Variants in PCDHGA1 observed in about 807,000 individuals in gnomAD.
PCDHGA1 encodes protocadherin gamma subfamily A, 1.
Under a neutral mutation model 58.0 loss-of-function variants are expected in PCDHGA1, and 32 were observed. That is an observed-to-expected ratio of 0.55 (90% CI 0.42 to 0.74). The LOEUF (loss-of-function observed/expected upper bound fraction) is 0.74, where lower values mean the gene tolerates loss of function less well. PCDHGA1 is among the 30% of genes least tolerant of loss of function. PCDHGA1 has a pLI of 0.00. For synonymous variants in PCDHGA1, 498 were observed against 501.1 expected, an observed-to-expected ratio of 0.99 and a Z score of 0.08; for missense variants, 1,205 against 1,182.3, an observed-to-expected ratio of 1.02 and a Z score of -0.28.
intron 1 of PCDHGA1, chr5:141,393,996 G>C (rs1379037065): frequency 3.1e-6 from 5 of 1,613,290 alleles, no homozygotes; most frequent in East Asian, 2.2e-5. Flanking sequence ...TTTTAAATTA[G>C]AAAAGTCAAT....
At chr5:141,384,353 C>T in intron 1 of PCDHGA1, 1 of 1,613,848 alleles carries the variant, frequency 6.2e-7, no homozygotes, top group South Asian at 1.1e-5. Context: ...GAGGATAATG[C>T]CCAGATCACT....
At chr5:141,403,616 C>G (rs2094434764) in intron 1 of PCDHGA1, 11 of 1,613,892 alleles carry the variant, frequency 6.8e-6, no homozygotes, top group Non-Finnish European at 9.3e-6. Flanking sequence ...CGAGCCGCGT[C>G]GCTCCAGCAC....
intron 1 of PCDHGA1, among the ~76,000 whole-genome samples, chr5:141,480,299 C>T: frequency 7.5e-6 from 1 of 132,466 alleles, no homozygotes; most frequent in Non-Finnish European, 1.6e-5. Flanking sequence ...CCTGTGGTAC[C>T]AGCTACTTGG....
chr5:141,437,058 T>C (rs539776847), intron 1 of PCDHGA1, among the ~76,000 whole-genome samples: 2 of 152,246 alleles, frequency 1.3e-5, no homozygotes, highest in Non-Finnish European at 2.9e-5. Context: ...CTGGTGATCA[T>C]TATTTGGTTT....
rs148638556 is a variant in PCDHGA1 at position 141,331,611 on chromosome 5, C to T, written c.927C>T (p.Phe309=). 9.3e-6 allele frequency: 15 copies of T among 1,613,922 alleles called. No individual in the cohort carries two copies. Among genetic ancestry groups the T allele is most frequent in the African/African-American group, 4.0e-5 (3 of 74,886 alleles). ...GEISNKEPLD[F]EEYKMYSMEV... Reference sequence around the variant, plus strand: ...TATCAAATAAAGAACCACTAGATTTCGAAGAATACAAAATGTATTCAATGG... The same window carrying T: ...TATCAAATAAAGAACCACTAGATTTTGAAGAATACAAAATGTATTCAATGG... Residue 309 remains phenylalanine, a synonymous_variant, in exon 1 of 4, where the codon TTC becomes TTT. Transcript: ENST00000517417.
At chr5:141,446,493 T>C (rs1416449558) in intron 1 of PCDHGA1, among the ~76,000 whole-genome samples, 2 of 152,152 alleles carry the variant, frequency 1.3e-5, no homozygotes. Flanking sequence ...TTTTTTTTTT[T>C]TGAGATGGAG....
chr5:141,395,748 GA>G (rs1300341557), intron 1 of PCDHGA1: 2 of 152,878 alleles, frequency 1.3e-5, no homozygotes, highest in African/African-American at 4.8e-5. Flanking sequence ...CCTCTTTTCT[GA>G]GCCCTGTTTC....
chr5:141,366,865 G>C, intron 1 of PCDHGA1: 2 of 1,405,810 alleles, frequency 1.4e-6, no homozygotes, highest in South Asian at 2.9e-5. Flanking sequence ...ATTATTTGCT[G>C]TATTGGAGAT....
At chr5:141,360,531 A>C in intron 1 of PCDHGA1, 2 of 1,613,990 alleles carry the variant, frequency 1.2e-6, no homozygotes, top group Non-Finnish European at 1.7e-6. Flanking sequence ...ATACCCCGCT[A>C]TTCAAACAGA....
rs376526750 is a variant in PCDHGA1 at position 141,476,593 on chromosome 5, G to T, written c.2422-18214G>T. The T allele has an allele frequency of 8.5e-5, 138 of 1,614,104 alleles. No individual in the cohort carries two copies. The highest frequency in any genetic ancestry group is 1.1e-4 in the Non-Finnish European group (133 of 1,180,044). On this transcript the variant is annotated intron_variant, in intron 1 of 3. Transcript: ENST00000517417. The surrounding 1 kb of genome is among the most constrained non-coding windows in gnomAD (Gnocchi z 7.6). ...GGACGCGCTTTCCGCTCGAGAGCGCGCACGATCCCGATGTGGGAAGCAACT... is the reference window on the plus strand; with the variant it reads ...GGACGCGCTTTCCGCTCGAGAGCGCTCACGATCCCGATGTGGGAAGCAACT...
chr5:141,398,189 T>A (rs926901002), intron 1 of PCDHGA1: 41 of 1,482,238 alleles, frequency 2.8e-5, no homozygotes, highest in Non-Finnish European at 3.5e-5. Context: ...TTTCTCTTCC[T>A]GCTGTCTTTG....
chr5:141,461,773 C>T (rs894271810), intron 1 of PCDHGA1, among the ~76,000 whole-genome samples: 3 of 152,108 alleles, frequency 2.0e-5, no homozygotes, highest in Non-Finnish European at 4.4e-5. Context: ...CCTGCCTCAG[C>T]CTCCCAAGTA....
At chr5:141,399,936 C>T (rs1370105984) in intron 1 of PCDHGA1, 2 of 1,612,268 alleles carry the variant, frequency 1.2e-6, no homozygotes, top group Non-Finnish European at 8.5e-7. Flanking sequence ...TGTCCTACCA[C>T]GTGCTGCAGG....
intron 1 of PCDHGA1, among the ~76,000 whole-genome samples, chr5:141,473,942 GC>G (rs1443545533): frequency 1.3e-5 from 2 of 152,124 alleles, no homozygotes; most frequent in African/African-American, 4.8e-5. Context: ...AGTAGCTCAG[GC>G]CTGTAGTCCC....
intron 1 of PCDHGA1, chr5:141,341,659 G>GC: frequency 4.6e-6 from 3 of 657,222 alleles, no homozygotes; most frequent in East Asian, 2.8e-5. Context: ...AGGAACTAGG[G>GC]TGTCTGGTTT....
Position 141,382,839 on chromosome 5 carries a change from T to C in PCDHGA1, c.2421+49734T>C, listed in dbSNP as rs11575957. On this transcript the variant is annotated intron_variant, in intron 1 of 3. Coordinates refer to ENST00000517417, the MANE Select transcript of PCDHGA1 (RefSeq NM_018912.3). ...CCTAAGACAGAGGGGTCCACCCGGATACACCCGCATTCTGAAGCACTTCCC... is the reference window on the plus strand; with the variant it reads ...CCTAAGACAGAGGGGTCCACCCGGACACACCCGCATTCTGAAGCACTTCCC... The C allele has an allele frequency of 5.0e-3, 7,225 of 1,450,218 alleles. 38 individuals are homozygous for C. Among genetic ancestry groups the C allele is most frequent in the Admixed American group, 9.6e-3 (425 of 44,246 alleles). 89.8% of individuals were successfully genotyped at this position (1,450,218 alleles called of 1,614,324 possible).
chr5:141,487,811 A>T lies in PCDHGA1; in HGVS notation c.2422-6996A>T, dbSNP rs1389081995. 2.1e-6 allele frequency: 3 copies of T among 1,414,662 alleles called. No homozygotes were observed. In the African/African-American group the frequency reaches 4.3e-5, roughly 20 times the overall value. 87.6% of individuals were successfully genotyped at this position (1,414,662 alleles called of 1,614,324 possible). A position where few individuals can be genotyped will look rare whatever the true frequency, so the allele number is the denominator to read the frequency against. ...TTAACCAGAGTTGTCACAGTTTAGCATTGGGGGCGGGTCATGCCTATATCT... is the reference window on the plus strand; with the variant it reads ...TTAACCAGAGTTGTCACAGTTTAGCTTTGGGGGCGGGTCATGCCTATATCT... On this transcript the variant is annotated intron_variant, in intron 1 of 3. Transcript: ENST00000517417. The surrounding 1 kb of genome is among the most constrained non-coding windows in gnomAD (Gnocchi z 5.0).
chr5:141,473,053 TACA>T (rs1452453123), intron 1 of PCDHGA1, among the ~76,000 whole-genome samples: 1 of 150,200 alleles, frequency 6.7e-6, no homozygotes, highest in Non-Finnish European at 1.5e-5. Flanking sequence ...AAAGAAGTGA[TACA>T]ACAAGTTACA....
chr5:141,415,880 A>G, intron 1 of PCDHGA1: 1 of 1,003,078 alleles, frequency 1.0e-6, no homozygotes. Flanking sequence ...TGAGTACAAT[A>G]TTGACAATTC....
Sources: allele counts gnomAD v4.1 joint callset (sites outside exome capture counted in the v4.1 genomes callset), GRCh38; gene constraint gnomAD v4.1.1; non-coding constraint Gnocchi (gnomAD v3.1); transcripts MANE v1.5; gene names NCBI Gene and HGNC (gene_info 2026-07-23, HGNC 2026-07-21).